USP10: variants seen among roughly 807,000 people sequenced by gnomAD.
USP10 encodes the protein ubiquitin specific peptidase 10, also known as ubiquitin carboxyl-terminal hydrolase 10.
USP10 carries 22 observed loss-of-function variants against 84.5 expected under a neutral mutation model. The observed-to-expected ratio is 0.26, with a 90% CI of 0.19 to 0.37. The LOEUF (loss-of-function observed/expected upper bound fraction) is 0.37. Ranked by LOEUF, USP10 falls within the 10% of genes least tolerant of loss-of-function variation. The probability of loss-of-function intolerance (pLI) is 1.00; values close to 1 mark genes in which losing one functional copy is unlikely to be tolerated. For synonymous variants in USP10, 454 were observed against 387.6 expected (o/e 1.17, Z -2.01); for missense variants, 1,019 against 998.9 (o/e 1.02, Z -0.27).
chr16:84,704,380 C>T (rs1412696279), intron 1 of USP10, among the ~76,000 whole-genome samples: 5 of 152,212 alleles, frequency 3.3e-5, no homozygotes, highest in Admixed American at 1.3e-4. Context: ...GAATCACCAT[C>T]GCACAAAACA....
intron 10 of USP10, among the ~76,000 whole-genome samples, chr16:84,766,980 C>G (rs1913935909): frequency 6.6e-6 from 1 of 152,174 alleles, no homozygotes; most frequent in African/African-American, 2.4e-5. Flanking sequence ...TGCTAAAACA[C>G]AGGACCACTG....
intron 1 of USP10, among the ~76,000 whole-genome samples, chr16:84,711,247 A>G (rs1906249893): frequency 6.6e-6 from 1 of 152,188 alleles, no homozygotes. Context: ...GCAAAAAAAC[A>G]TGTTTTTAAA....
chr16:84,700,025 TGGC>T lies in USP10; in HGVS notation c.-57_-55del. The stretch of plus-strand genomic sequence containing the variant: ...GAGTGTGTATGTGCGGGCGAGAAGA[TGGC>T]GGCGGCGGGGGAAGCAGCGTGAGCA... On this transcript the variant is annotated 5_prime_UTR_variant, in exon 1 of 14. Coordinates refer to ENST00000219473, the MANE Select transcript of USP10 (RefSeq NM_005153.3). 3 of 1,327,270 alleles carry T rather than the reference TGGC, an allele frequency of 2.3e-6. No homozygotes were observed. The highest frequency in any genetic ancestry group is 3.0e-6 in the Non-Finnish European group (3 of 1,013,506). The allele number at this position is 1,327,270 out of a possible 1,614,324, so 82.2% of individuals were successfully genotyped here.
intron 4 of USP10, among the ~76,000 whole-genome samples, chr16:84,750,333 G>C (rs1176862415): frequency 1.3e-5 from 2 of 151,746 alleles, no homozygotes; most frequent in African/African-American, 4.8e-5. Flanking sequence ...GCTTGAACCG[G>C]GGAGGTGGAG....
intron 4 of USP10, among the ~76,000 whole-genome samples, chr16:84,757,398 TGG>T (rs58027755): frequency 0.051 from 4,425 of 86,742 alleles, 86 homozygotes; most frequent in East Asian, 0.13. Context: ...ATGAGAGGGG[TGG>T]GGGTGTGTGT....
chr16:84,757,244 A>G (rs1912651507), intron 4 of USP10, among the ~76,000 whole-genome samples: 1 of 152,172 alleles, frequency 6.6e-6, no homozygotes, highest in South Asian at 2.1e-4. Flanking sequence ...TAAGAGAGAG[A>G]GGAGCTTTGC....
chr16:84,718,856 A>G (rs1283815489), intron 1 of USP10, among the ~76,000 whole-genome samples: 1 of 151,688 alleles, frequency 6.6e-6, no homozygotes, highest in Non-Finnish European at 1.5e-5. Flanking sequence ...GCAGTGGTGC[A>G]GTCTCAGCTC....
chr16:84,756,263 G>C (rs1437182942), intron 4 of USP10, among the ~76,000 whole-genome samples: 3 of 152,234 alleles, frequency 2.0e-5, no homozygotes, highest in African/African-American at 7.2e-5. Flanking sequence ...CTCAGCAGGG[G>C]TTTACTCGCC....
chr16:84,767,051 C>T (rs59214516), intron 10 of USP10, among the ~76,000 whole-genome samples: 1 of 152,080 alleles, frequency 6.6e-6, no homozygotes, highest in Non-Finnish European at 1.5e-5. Flanking sequence ...ACTACTGTAT[C>T]CCTCTCCAGA....
chr16:84,726,824 G>A (rs571961037), intron 1 of USP10, among the ~76,000 whole-genome samples: 3 of 152,236 alleles, frequency 2.0e-5, no homozygotes, highest in Non-Finnish European at 2.9e-5. Flanking sequence ...CCCCCGAATC[G>A]CAGGCATTTC....
At chr16:84,755,346 G>C (rs1312382830) in intron 4 of USP10, among the ~76,000 whole-genome samples, 1 of 151,582 alleles carries the variant, frequency 6.6e-6, no homozygotes, top group Non-Finnish European at 1.5e-5. Context: ...AAACTTCGCT[G>C]CATCTTCCTG....
intron 4 of USP10, among the ~76,000 whole-genome samples, chr16:84,756,176 C>G (rs1025235420): frequency 4.0e-5 from 6 of 151,698 alleles, no homozygotes; most frequent in Admixed American, 3.3e-4. Flanking sequence ...CGTCCCTTCA[C>G]TGGTCTGCGA....
At chr16:84,737,703 G>A (rs1341029883) in intron 2 of USP10, among the ~76,000 whole-genome samples, 1 of 152,214 alleles carries the variant, frequency 6.6e-6, no homozygotes, top group African/African-American at 2.4e-5. Context: ...TCACCTGCTG[G>A]CACTGTCACC....
chr16:84,761,302 G>C (rs1050190703), intron 8 of USP10, among the ~76,000 whole-genome samples: 2 of 152,188 alleles, frequency 1.3e-5, no homozygotes, highest in Non-Finnish European at 2.9e-5. Flanking sequence ...CGTGCACAGA[G>C]ATAATGCTAT....
At chr16:84,748,882 T>A (rs1911566750) in intron 4 of USP10, among the ~76,000 whole-genome samples, 1 of 152,226 alleles carries the variant, frequency 6.6e-6, no homozygotes, top group Non-Finnish European at 1.5e-5. Context: ...ACAGTCCACG[T>A]AATTATTTTT....
At chr16:84,764,908 A>C (rs1432378814) in intron 10 of USP10, among the ~76,000 whole-genome samples, 2 of 144,756 alleles carry the variant, frequency 1.4e-5, no homozygotes, top group African/African-American at 2.7e-5. Flanking sequence ...GATAGGTCAT[A>C]AACAATAACC....
At chr16:84,749,828 G>A (rs1460067408) in intron 4 of USP10, among the ~76,000 whole-genome samples, 1 of 152,098 alleles carries the variant, frequency 6.6e-6, no homozygotes, top group African/African-American at 2.4e-5. Context: ...ACTTTAACGG[G>A]TTCTACTTGG....
At chr16:84,719,458 C>T (rs1907500995) in intron 1 of USP10, among the ~76,000 whole-genome samples, 1 of 152,206 alleles carries the variant, frequency 6.6e-6, no homozygotes, top group African/African-American at 2.4e-5. Flanking sequence ...GCCTGGACTC[C>T]ACCCTAGACC....
At chr16:84,730,083 C>T (rs1196093336) in intron 1 of USP10, among the ~76,000 whole-genome samples, 1 of 151,678 alleles carries the variant, frequency 6.6e-6, no homozygotes, top group Non-Finnish European at 1.5e-5. Context: ...CCAAGAAAAC[C>T]CTCCAAAAAA....
Sources: allele counts gnomAD v4.1 joint callset (sites outside exome capture counted in the v4.1 genomes callset), GRCh38; gene constraint gnomAD v4.1.1; transcripts MANE v1.5; gene names NCBI Gene and HGNC (gene_info 2026-07-23, HGNC 2026-07-21).